Variants in NEDD4L observed in about 807,000 individuals in gnomAD.
The protein encoded by NEDD4L is NEDD4 like E3 ubiquitin protein ligase, also known as E3 ubiquitin-protein ligase NEDD4-like.
Under a neutral mutation model 148.9 loss-of-function variants are expected in NEDD4L, and 54 were observed. The observed-to-expected ratio is 0.36, with a 90% CI of 0.29 to 0.45. NEDD4L has a LOEUF of 0.45. Ranked by LOEUF, NEDD4L falls within the 20% of genes least tolerant of loss-of-function variation. The pLI, the probability that NEDD4L is intolerant of heterozygous loss-of-function variation, is 1.00. For synonymous variants in NEDD4L, 433 were observed against 440.7 expected, an observed-to-expected ratio of 0.98 and a Z score of 0.22; for missense variants, 856 against 1,233.8, an observed-to-expected ratio of 0.69 and a Z score of 4.59.
At chr18:58,142,078 G>A (rs578181298) in intron 1 of NEDD4L, among the ~76,000 whole-genome samples, 151 of 113,192 alleles carry the variant, frequency 1.3e-3, no homozygotes, top group Middle Eastern at 8.3e-3. Context: ...ACAGAGTCTC[G>A]CTCTGTCACC....
intron 1 of NEDD4L, among the ~76,000 whole-genome samples, chr18:58,053,748 G>A (rs1390204095): frequency 2.6e-5 from 4 of 152,186 alleles, no homozygotes; most frequent in African/African-American, 9.7e-5. Flanking sequence ...CCCATTGTGG[G>A]TAAATGCTGA....
At chr18:58,229,063 C>T (rs1038600022) in intron 2 of NEDD4L, among the ~76,000 whole-genome samples, 14 of 152,150 alleles carry the variant, frequency 9.2e-5, no homozygotes, top group African/African-American at 2.7e-4. Context: ...CACTGCTCTG[C>T]GGTAAAACGA....
At chr18:58,275,757 C>T (rs1287053271) in intron 5 of NEDD4L, among the ~76,000 whole-genome samples, 2 of 151,754 alleles carry the variant, frequency 1.3e-5, no homozygotes, top group Non-Finnish European at 2.9e-5. Context: ...ATTTGTGGGT[C>T]GGAGGCATTT....
intron 19 of NEDD4L, among the ~76,000 whole-genome samples, chr18:58,360,350 A>G (rs2045304036): frequency 1.3e-5 from 2 of 151,964 alleles, no homozygotes; most frequent in South Asian, 4.2e-4. Flanking sequence ...CTTCTCTTTC[A>G]CATTGTCTGC....
chr18:58,342,336 CAGAGTT>C (rs1228811101), intron 15 of NEDD4L, among the ~76,000 whole-genome samples: 1 of 152,118 alleles, frequency 6.6e-6, no homozygotes, highest in Non-Finnish European at 1.5e-5. Flanking sequence ...TCACAAATGT[CAGAGTT>C]AGAGAAGCCA....
intron 5 of NEDD4L, among the ~76,000 whole-genome samples, chr18:58,309,046 A>G (rs2057370955): frequency 6.6e-6 from 1 of 152,172 alleles, no homozygotes; most frequent in African/African-American, 2.4e-5. Flanking sequence ...TCTCCTGCTC[A>G]GGCACCTTTT....
intron 1 of NEDD4L, among the ~76,000 whole-genome samples, chr18:58,159,532 A>G (rs1568305036): frequency 6.6e-6 from 1 of 152,070 alleles, no homozygotes; most frequent in East Asian, 1.9e-4. Context: ...TTTTGCTGTG[A>G]CCCTAAAACT....
intron 5 of NEDD4L, among the ~76,000 whole-genome samples, chr18:58,302,171 C>T (rs745355744): frequency 2.0e-5 from 3 of 152,238 alleles, no homozygotes; most frequent in South Asian, 4.2e-4. Context: ...CCAGCATATA[C>T]GTAAATGGCC....
chr18:58,138,196 TTAAA>T (rs1293014216), intron 1 of NEDD4L, among the ~76,000 whole-genome samples: 1 of 152,236 alleles, frequency 6.6e-6, no homozygotes, highest in Non-Finnish European at 1.5e-5. Context: ...TTTTATTTCA[TTAAA>T]TAAATAGGAT....
intron 2 of NEDD4L, among the ~76,000 whole-genome samples, chr18:58,211,670 G>A (rs2042615933): frequency 1.3e-5 from 2 of 152,172 alleles, no homozygotes; most frequent in Admixed American, 1.3e-4. Context: ...TACCTGAGAG[G>A]AGCCAAGACA....
At chr18:58,142,292 C>G (rs1473071130) in intron 1 of NEDD4L, among the ~76,000 whole-genome samples, 1 of 151,632 alleles carries the variant, frequency 6.6e-6, no homozygotes, top group Non-Finnish European at 1.5e-5. Flanking sequence ...TCGTGATCCA[C>G]CTGCCTCGAC....
At chr18:58,070,611 C>T (rs943532893) in intron 1 of NEDD4L, among the ~76,000 whole-genome samples, 1 of 152,094 alleles carries the variant, frequency 6.6e-6, no homozygotes, top group Admixed American at 6.5e-5. Context: ...CTGTGGCGAT[C>T]TTGAGGCTTT....
intron 1 of NEDD4L, among the ~76,000 whole-genome samples, chr18:58,085,348 G>T (rs549923944): frequency 6.6e-6 from 1 of 152,316 alleles, no homozygotes; most frequent in African/African-American, 2.4e-5. Context: ...CCAGGCAGCA[G>T]TGTGGACTTG....
At chr18:58,227,034 C>A (rs1437943523) in intron 2 of NEDD4L, among the ~76,000 whole-genome samples, 1 of 152,224 alleles carries the variant, frequency 6.6e-6, no homozygotes, top group Non-Finnish European at 1.5e-5. Context: ...CAGAAAGCTG[C>A]CTACCCTGCA....
At chr18:58,242,033 A>G (rs2046694758) in intron 2 of NEDD4L, among the ~76,000 whole-genome samples, 1 of 150,308 alleles carries the variant, frequency 6.7e-6, no homozygotes, top group African/African-American at 2.5e-5. Flanking sequence ...GATGAGCTTC[A>G]TTGTGAGTAA....
rs761913257 is a variant in NEDD4L, at chr18:58,329,098, G to A, written c.784G>A (p.Glu262Lys). 10 of 1,613,814 alleles carry A rather than the reference G, an allele frequency of 6.2e-6. No individual in the cohort carries two copies. The highest frequency in any genetic ancestry group is 1.3e-5 in the African/African-American group (1 of 74,936). ...RRHISEDLEP[E>K]PSEGGDVPEP... ...GCACATCAGCGAAGACTTGGAGCCC[G>A]AGCCCTCGGAGGGCGGGGATGTCCC... The change falls in exon 10 of 31, where the codon GAG becomes AAG. Residue 262 changes from glutamate to lysine, a missense_variant. Glu to Lys is a moderately conservative substitution (Grantham distance 56). Around this residue, in one of 4 missense-constraint regions of NEDD4L, gnomAD observed 367 missense variants for 422.7 expected, o/e 0.87. Transcript: ENST00000400345.
At chr18:58,206,217 T>C (rs1317099602) in intron 2 of NEDD4L, among the ~76,000 whole-genome samples, 2 of 152,068 alleles carry the variant, frequency 1.3e-5, no homozygotes, top group African/African-American at 4.8e-5. Context: ...GGCGAAACCC[T>C]GTCTCTACTA....
chr18:58,220,982 G>C lies in NEDD4L; in HGVS notation c.123-24445G>C, dbSNP rs577815117. Among the ~76,000 whole-genome samples, 226 of 152,278 alleles carry C rather than the reference G, an allele frequency of 1.5e-3. 1 individual carries two copies. Among genetic ancestry groups the C allele is most frequent in the Non-Finnish European group, 3.0e-3 (205 of 68,028 alleles). ...GGCACACAACTGGGATCTGAAAACT[G>C]GGATGCACAGTACAGACTGCAGATT... is the stretch of plus-strand genomic sequence containing the variant. On this transcript the variant is annotated intron_variant, in intron 2 of 30. Transcript: ENST00000400345.
At chr18:58,358,155 A>G (rs1165604806) in intron 19 of NEDD4L, among the ~76,000 whole-genome samples, 1 of 152,224 alleles carries the variant, frequency 6.6e-6, no homozygotes, top group Non-Finnish European at 1.5e-5. Flanking sequence ...TTCCATTCAA[A>G]TTATGTTTTG....
Sources: gnomAD v4.1 joint callset for allele counts (sites outside exome capture counted in the v4.1 genomes callset) on GRCh38, gnomAD v4.1.1 for gene constraint, gnomAD v4.1.1 regional missense constraint, MANE v1.5 for transcripts, NCBI Gene and HGNC (gene_info 2026-07-23, HGNC 2026-07-21) for gene names.